Variants in SYNE2 observed in about 807,000 individuals in gnomAD.
The protein encoded by SYNE2 is nesprin-2.
A neutral mutation model predicts 856.3 loss-of-function variants in SYNE2; 431 were observed. The ratio of observed to expected loss-of-function variants is 0.50; its 90% confidence interval spans 0.47 to 0.55. The LOEUF is 0.55. Ranked by LOEUF, SYNE2 falls within the 20% of genes least tolerant of loss-of-function variation. SYNE2 has a pLI of 0.00. For missense variants in SYNE2, 8,129 were observed against 8,023.2 expected, an observed-to-expected ratio of 1.01 and a Z score of -0.50; for synonymous variants, 2,923 against 2,872.3, an observed-to-expected ratio of 1.02 and a Z score of -0.56.
intron 1 of SYNE2, among the ~76,000 whole-genome samples, chr14:63,886,574 T>C (rs1242838695): frequency 6.6e-6 from 1 of 152,232 alleles, no homozygotes; most frequent in Non-Finnish European, 1.5e-5. Context: ...AATTTTATAT[T>C]TTGTAATTAG....
chr14:64,221,488 ATGGAT>A, intron 111 of SYNE2, 83 bp from the exon 112 acceptor site: 1 of 1,613,072 alleles, frequency 6.2e-7, no homozygotes. Context: ...AATGACTGTG[ATGGAT>A]TGGAAGCAGT....
intron 11 of SYNE2, among the ~76,000 whole-genome samples, chr14:63,973,631 C>CAA (rs60498158): frequency 1.9e-3 from 129 of 67,662 alleles, no homozygotes; most frequent in Non-Finnish European, 2.6e-3. Flanking sequence ...GAGTCCATCT[C>CAA]AAAAAAAAAA....
chr14:64,036,342 A>G (rs2153554516), intron 45 of SYNE2, among the ~76,000 whole-genome samples: 1 of 152,268 alleles, frequency 6.6e-6, no homozygotes, highest in Non-Finnish European at 1.5e-5. Flanking sequence ...GCTGGAGTGC[A>G]GTGGCGCGAT....
chr14:63,902,981 G>A (rs1686306669), intron 1 of SYNE2, among the ~76,000 whole-genome samples: 2 of 152,060 alleles, frequency 1.3e-5, no homozygotes, highest in Admixed American at 1.3e-4. Flanking sequence ...CCTGGCCTTT[G>A]ACTCTTTCTT....
intron 1 of SYNE2, among the ~76,000 whole-genome samples, chr14:63,828,817 A>G (rs994025757): frequency 5.3e-5 from 8 of 152,188 alleles, no homozygotes; most frequent in African/African-American, 1.7e-4. Flanking sequence ...GCCATTCTGT[A>G]TAAGTGAGAC....
In SYNE2 at chr14:64,208,780, A is replaced by G; in HGVS notation, c.18224A>G (p.Gln6075Arg). 6.2e-7 allele frequency: 1 copy of G among 1,614,234 alleles called. No individual in the cohort carries two copies. Among genetic ancestry groups the G allele is most frequent in the Non-Finnish European group, 8.5e-7 (1 of 1,180,030 alleles). Residue 6075 changes from glutamine (Q) to arginine (R), a missense_variant, in exon 101 of 116, where the codon CAA becomes CGA. Transcript: ENST00000555002. The stretch of plus-strand genomic sequence containing the variant: ...CAGGATCTACAGCGAGATATTGAAC[A>G]ACACAGCGCAGGGGTGGAGTCCGTG... ...EQQDLQRDIEQHSAGVESVFN... is the reference protein window; with the variant it reads ...EQQDLQRDIERHSAGVESVFN...
rs1038910644 is a variant in SYNE2, at chr14:64,225,589, C to T, written c.*63C>T. 1.3e-6 allele frequency: 2 copies of T among 1,545,496 alleles called. No homozygotes were observed. Among genetic ancestry groups the T allele is most frequent in the Non-Finnish European group, 1.8e-6 (2 of 1,126,142 alleles). On this transcript the variant is annotated 3_prime_UTR_variant, in exon 116 of 116. Transcript: ENST00000555002. Reference sequence around the variant, plus strand: ...ATTGCCAAGGGTGCCCAGCACGTGGCCCCAGACCAATCTGAGTGACTTAGT... The same window carrying T: ...ATTGCCAAGGGTGCCCAGCACGTGGTCCCAGACCAATCTGAGTGACTTAGT...
At chr14:63,823,342 C>T (rs187738503) in intron 1 of SYNE2, among the ~76,000 whole-genome samples, 21 of 152,022 alleles carry the variant, frequency 1.4e-4, no homozygotes, top group African/African-American at 2.4e-4. Context: ...TCATGCCTAG[C>T]GCATTCGTAT....
chr14:63,782,559 C>G (rs1280160797), intron 1 of SYNE2, among the ~76,000 whole-genome samples: 2 of 150,090 alleles, frequency 1.3e-5, no homozygotes, highest in Non-Finnish European at 3.0e-5. Flanking sequence ...AAATTCCAGG[C>G]AATTTGATCA....
intron 32 of SYNE2, among the ~76,000 whole-genome samples, chr14:64,012,741 A>T (rs2096856358): frequency 6.6e-6 from 1 of 152,222 alleles, no homozygotes; most frequent in South Asian, 2.1e-4. Context: ...GTTTTAATAC[A>T]CTATTGTTTA....
chr14:64,174,426 G>A (rs1267175409), intron 94 of SYNE2, among the ~76,000 whole-genome samples: 2 of 152,100 alleles, frequency 1.3e-5, no homozygotes, highest in African/African-American at 2.4e-5. Flanking sequence ...CATGATATTC[G>A]GATGAAATTT....
chr14:63,866,037 T>G (rs1895223077), intron 1 of SYNE2, among the ~76,000 whole-genome samples: 1 of 152,144 alleles, frequency 6.6e-6, no homozygotes, highest in Non-Finnish European at 1.5e-5. Context: ...CTAAGAAATA[T>G]TTTTTTCCTT....
chr14:64,052,044 A>G lies in SYNE2; in HGVS notation c.8131A>G (p.Lys2711Glu), dbSNP rs776194153. 6.2e-7 allele frequency: 1 copy of G among 1,613,868 alleles called. No homozygotes were observed. Among genetic ancestry groups the G allele is most frequent in the East Asian group, 2.2e-5 (1 of 44,890 alleles). The change falls in exon 48 of 116, where the codon AAA becomes GAA. Residue 2711 changes from lysine (K) to glutamate (E), a missense_variant. Lys to Glu is a moderately conservative substitution (Grantham distance 56). This residue lies in a region of SYNE2 where 5,410 missense variants were observed against 5,284.8 expected (regional missense o/e 1.02). Coordinates refer to ENST00000555002, the MANE Select transcript of SYNE2 (RefSeq NM_182914.3). ...NLEDGINNLKKQWETLEPLHL... is the reference protein window; with the variant it reads ...NLEDGINNLKEQWETLEPLHL... The stretch of plus-strand genomic sequence containing the variant: ...GGAGGATGGAATAAATAACTTGAAG[A>G]AACAATGGGAAACATTGGAGCCATT...
At chr14:64,107,643 T>C (rs1192384428) in intron 65 of SYNE2, 36 bp downstream of exon 65, 1 of 1,485,166 alleles carries the variant, frequency 6.7e-7, no homozygotes, top group Non-Finnish European at 9.4e-7. Flanking sequence ...ACTGCTCAGA[T>C]AGCTGGACTA....
chr14:64,216,575 G>A (rs2098667627), intron 108 of SYNE2, among the ~76,000 whole-genome samples, 188 bp downstream of exon 108: 1 of 152,202 alleles, frequency 6.6e-6, no homozygotes, highest in African/African-American at 2.4e-5. Context: ...AAACCGATTA[G>A]ACTTAGAGAT....
Position 64,007,234 on chromosome 14 carries a change from A to G in SYNE2, c.4577+12A>G. On this transcript the variant is annotated intron_variant, in intron 31 of 115. Coordinates refer to ENST00000555002, the MANE Select transcript of SYNE2 (RefSeq NM_182914.3). ...TTGGTCACCGAATGGTAAGGAAAAAAAAGAATCCCTCTTGAATCTGAAAAA... is the reference window on the plus strand; with the variant it reads ...TTGGTCACCGAATGGTAAGGAAAAAGAAGAATCCCTCTTGAATCTGAAAAA... The G allele has an allele frequency of 1.2e-6, 2 of 1,613,310 alleles. No homozygotes were observed. The highest frequency in any genetic ancestry group is 1.7e-6 in the Non-Finnish European group (2 of 1,179,258).
At chr14:64,097,000 G>A (rs1455921705) in intron 61 of SYNE2, among the ~76,000 whole-genome samples, 1 of 152,184 alleles carries the variant, frequency 6.6e-6, no homozygotes, top group Non-Finnish European at 1.5e-5. Flanking sequence ...CACTTCAGGA[G>A]CTCAGGCAAG....
chr14:64,210,127 G>A lies in SYNE2; in HGVS notation c.18723+3G>A. ...CAGCCGTCCTGCGGAGACTCAGGGTGAGCTCCTCTGCACCTGGCTCGGGTG... is the reference window on the plus strand; with the variant it reads ...CAGCCGTCCTGCGGAGACTCAGGGTAAGCTCCTCTGCACCTGGCTCGGGTG... On this transcript the variant is annotated splice_donor_region_variant and intron_variant, in intron 103 of 115. Transcript: ENST00000555002. 2 of 1,613,130 alleles carry A rather than the reference G, an allele frequency of 1.2e-6. No homozygotes were observed. The highest frequency in any genetic ancestry group is 1.7e-6 in the Non-Finnish European group (2 of 1,179,532).
intron 6 of SYNE2, among the ~76,000 whole-genome samples, chr14:63,947,141 T>C (rs2096047829): frequency 6.6e-6 from 1 of 152,158 alleles, no homozygotes; most frequent in African/African-American, 2.4e-5. Context: ...TGAGCCACCA[T>C]GCCTGGCCTG....
Sources: gnomAD v4.1 joint callset for allele counts (sites outside exome capture counted in the v4.1 genomes callset) on GRCh38, gnomAD v4.1.1 for gene constraint, gnomAD v4.1.1 regional missense constraint, MANE v1.5 for transcripts, NCBI Gene and HGNC (gene_info 2026-07-23, HGNC 2026-07-21) for gene names.